EPB41: variants seen among roughly 807,000 people sequenced by gnomAD.
EPB41 encodes the protein erythrocyte membrane protein band 4.1.
Under a neutral mutation model 108.0 loss-of-function variants are expected in EPB41, and 65 were observed. The observed-to-expected ratio is 0.60, with a 90% CI of 0.49 to 0.74. EPB41 has a LOEUF of 0.74. EPB41 is among the 30% of genes least tolerant of loss of function. The probability of loss-of-function intolerance (pLI) is 0.00; values close to 1 mark genes in which losing one functional copy is unlikely to be tolerated. For synonymous variants in EPB41, 336 were observed against 358.9 expected (o/e 0.94, Z 0.72); for missense variants, 875 against 1,037.0 (o/e 0.84, Z 2.15).
Position 28,943,067 on chromosome 1 carries a change from C to T in EPB41, c.-8+28299C>T, listed in dbSNP as rs185102386. ...TTTTAAATTATAATAGGAATATTAACTCAGTTTATTGGAATAAAAGATATA... is the reference window on the plus strand; with the variant it reads ...TTTTAAATTATAATAGGAATATTAATTCAGTTTATTGGAATAAAAGATATA... On this transcript the variant is annotated intron_variant, in intron 1 of 20. Coordinates refer to ENST00000343067, the MANE Select transcript of EPB41 (RefSeq NM_001376013.1). Among the ~76,000 whole-genome samples, 169 of 152,190 alleles carry T rather than the reference C, an allele frequency of 1.1e-3. 2 individuals are homozygous for T. The highest frequency in any genetic ancestry group is 0.01 in the Middle Eastern group (3 of 294).
chr1:28,917,248 C>CTG (rs572627121), intron 1 of EPB41, among the ~76,000 whole-genome samples: 171 of 149,660 alleles, frequency 1.1e-3, no homozygotes, highest in Middle Eastern at 0.01. Context: ...ATCTCTCTCT[C>CTG]TGTGTGTGTG....
At chr1:28,924,169 A>G (rs1340899542) in intron 1 of EPB41, among the ~76,000 whole-genome samples, 1 of 152,218 alleles carries the variant, frequency 6.6e-6, no homozygotes, top group South Asian at 2.1e-4. Context: ...TCTTGGAAGC[A>G]GATTCTCCAG....
intron 16 of EPB41, chr1:29,072,568 A>T (rs1651955104): frequency 6.6e-6 from 1 of 152,214 alleles, no homozygotes; most frequent in Non-Finnish European, 1.5e-5. Flanking sequence ...TAAAAGTCTA[A>T]GCCAATGATA....
chr1:29,029,567 T>G (rs1228537174), intron 7 of EPB41, among the ~76,000 whole-genome samples: 1 of 152,226 alleles, frequency 6.6e-6, no homozygotes, highest in Non-Finnish European at 1.5e-5. Context: ...TAAGTTATAC[T>G]TGATTGGTCT....
At chr1:28,950,778 CA>C (rs934206007) in intron 1 of EPB41, among the ~76,000 whole-genome samples, 5 of 152,132 alleles carry the variant, frequency 3.3e-5, no homozygotes, top group African/African-American at 9.7e-5. Flanking sequence ...CCTCTCTTTA[CA>C]GATAGAGGCA....
At chr1:28,910,885 G>A (rs1557639734), upstream of EPB41, 4 of 768,450 alleles carry the variant, frequency 5.2e-6, no homozygotes, top group Admixed American at 6.3e-5. Context: ...GCTGGCAGGC[G>A]AGATAGAGAT....
At chr1:29,001,220 T>C (rs2096286883) in intron 4 of EPB41, among the ~76,000 whole-genome samples, 1 of 151,784 alleles carries the variant, frequency 6.6e-6, no homozygotes, top group African/African-American at 2.4e-5. Context: ...ATCCCAGCTA[T>C]GCGGGAGGCT....
chr1:29,098,283 C>T (rs1663961950), intron 17 of EPB41, among the ~76,000 whole-genome samples: 1 of 152,058 alleles, frequency 6.6e-6, no homozygotes, highest in Non-Finnish European at 1.5e-5. Context: ...CAAGCTCTGC[C>T]TCCCGGGTTC....
At chr1:28,928,208 A>AC (rs1368954662) in intron 1 of EPB41, among the ~76,000 whole-genome samples, 7 of 151,932 alleles carry the variant, frequency 4.6e-5, no homozygotes, top group African/African-American at 1.7e-4. Flanking sequence ...CCCTTACTTG[A>AC]CCCACAACAC....
chr1:28,917,269 T>C (rs2092749528), intron 1 of EPB41, among the ~76,000 whole-genome samples: 1 of 151,532 alleles, frequency 6.6e-6, no homozygotes. Context: ...TGTGTGTGTA[T>C]GTGTGTGTGT....
chr1:29,055,820 T>C (rs905543215), intron 12 of EPB41, among the ~76,000 whole-genome samples: 6 of 145,066 alleles, frequency 4.1e-5, no homozygotes, highest in East Asian at 2.1e-4. Context: ...CCCAGCTATT[T>C]GGGAGGCTGA....
intron 16 of EPB41, chr1:29,069,036 T>C (rs1649934677): frequency 7.4e-6 from 6 of 815,870 alleles, no homozygotes; most frequent in Non-Finnish European, 9.9e-6. Context: ...AAATATGTTT[T>C]CAGAGAGAAA....
At chr1:28,902,145 A>G (rs2091379429) in intron 1 of EPB41, 2 of 974,328 alleles carry the variant, frequency 2.1e-6, no homozygotes, top group Non-Finnish European at 2.4e-6. Context: ...CACACAGTAG[A>G]ATCTCAATAA....
At chr1:28,947,408 G>GACAA (rs61120635) in intron 1 of EPB41, among the ~76,000 whole-genome samples, 2,191 of 149,722 alleles carry the variant, frequency 0.015, 21 homozygotes, top group Middle Eastern at 0.021. Flanking sequence ...CTCCGTCTCA[G>GACAA]ACAAACAAAC....
At position 29,118,089 on chromosome 1, in the gene EPB41, C is replaced by A. The variant is rs537234778; in HGVS notation, c.*1277C>A. On this transcript the variant is annotated 3_prime_UTR_variant, in exon 21 of 21. Transcript: ENST00000343067. ...GAAAGTGAAGATGATGCCCTAATTC[C>A]TGGTAAGGATTTGGGGCATAGTTTT... 9 of 152,220 alleles carry A rather than the reference C, an allele frequency of 5.9e-5. No individual in the cohort carries two copies. The highest frequency in any genetic ancestry group is 2.2e-4 in the African/African-American group (9 of 41,520). 9.4% of individuals were successfully genotyped at this position (152,220 alleles called of 1,614,324 possible). A position where few individuals can be genotyped will look rare whatever the true frequency, so the allele number is the denominator to read the frequency against.
chr1:28,908,180 T>C (rs1191441184), intron 1 of EPB41, among the ~76,000 whole-genome samples: 1 of 151,790 alleles, frequency 6.6e-6, no homozygotes, highest in Non-Finnish European at 1.5e-5. Flanking sequence ...GTCGGGCAGA[T>C]CACCTGAGGT....
chr1:29,070,715 T>A, intron 16 of EPB41: 1 of 1,225,504 alleles, frequency 8.2e-7, no homozygotes, highest in South Asian at 4.3e-5. Context: ...ATCTTGATAG[T>A]TCACTATCCT....
intron 4 of EPB41, among the ~76,000 whole-genome samples, chr1:29,006,704 C>T (rs888435517): frequency 6.6e-6 from 1 of 151,966 alleles, no homozygotes; most frequent in Non-Finnish European, 1.5e-5. Context: ...CTTCTTCCTC[C>T]AGCCTGGGCG....
chr1:29,068,008 A>T (rs1451733170), intron 16 of EPB41, among the ~76,000 whole-genome samples: 1 of 152,208 alleles, frequency 6.6e-6, no homozygotes, highest in Admixed American at 6.5e-5. Context: ...ATCTGTAGTA[A>T]CAAGAGTCAT....
Sources: allele counts gnomAD v4.1 joint callset (sites outside exome capture counted in the v4.1 genomes callset), GRCh38; gene constraint gnomAD v4.1.1; transcripts MANE v1.5; gene names NCBI Gene and HGNC (gene_info 2026-07-23, HGNC 2026-07-21).